The following C1orf174 variants were observed in gnomAD, a reference collection of about 807,000 sequenced individuals.
C1orf174 encodes UPF0688 protein C1orf174.
A neutral mutation model predicts 18.4 loss-of-function variants in C1orf174; 13 were observed. The observed-to-expected ratio is 0.71, with a 90% CI of 0.46 to 1.12. The LOEUF (loss-of-function observed/expected upper bound fraction) is 1.12. Among genes scored for constraint, C1orf174 ranks in the 50% most tolerant of loss-of-function variants. The probability of loss-of-function intolerance (pLI) is 0.00; values close to 1 mark genes in which losing one functional copy is unlikely to be tolerated. For missense variants in C1orf174, 309 were observed against 308.0 expected (o/e 1.00, Z -0.02); for synonymous variants, 100 against 118.3 (o/e 0.85, Z 1.01).
chr1:3,900,164 G>A lies in C1orf174; in HGVS notation c.15+8C>T. ...CCGGCGCAGCTGCTGCCGGGACCCA[G>A]CCCTCACCTTCCGGCTCCTCATGAG... is the stretch of plus-strand genomic sequence containing the variant. On this transcript the variant is annotated splice_region_variant and intron_variant, in intron 1 of 3. Coordinates refer to ENST00000361605, the MANE Select transcript of C1orf174 (RefSeq NM_207356.3). 1.3e-6 allele frequency: 2 copies of A among 1,585,832 alleles called. No homozygotes were observed. The highest frequency in any genetic ancestry group is 8.5e-7 in the Non-Finnish European group (1 of 1,174,504).
At chr1:3,893,679 G>A (rs1177500818) in intron 1 of C1orf174, among the ~76,000 whole-genome samples, 9 of 152,168 alleles carry the variant, frequency 5.9e-5, no homozygotes, top group African/African-American at 1.7e-4. Flanking sequence ...AGGATCGCTC[G>A]AGCCCAGGAG....
In C1orf174 at chr1:3,890,623, G is replaced by A. The variant is rs750658882; in HGVS notation, c.564C>T (p.Asp188=). The A allele has an allele frequency of 3.7e-6, 6 of 1,614,122 alleles. No individual in the cohort carries two copies. The South Asian group carries it at 6.6e-5, about 18-fold the overall frequency. ...QMDNSVFLDD[D]SNQPMPVSRF... ...GGCTCACGGGCATTGGCTGATTGCT[G>A]TCGTCATCTAGAAAGACGCTGTTGT... The change falls in exon 3 of 4, where the codon GAC becomes GAT. Residue 188 remains aspartate, a synonymous_variant. Transcript: ENST00000361605.
chr1:3,894,857 T>C (rs1015558833), intron 1 of C1orf174, among the ~76,000 whole-genome samples: 2 of 152,146 alleles, frequency 1.3e-5, no homozygotes, highest in Non-Finnish European at 2.9e-5. Flanking sequence ...CACCGGGGGC[T>C]GCGCCTCCGT....
intron 2 of C1orf174, chr1:3,891,282 G>GCGT (rs1638506488): frequency 1.6e-5 from 9 of 558,578 alleles, no homozygotes; most frequent in Non-Finnish European, 2.7e-5. Flanking sequence ...TTCCCTAGTG[G>GCGT]CGTTACAGCT....
In C1orf174 at chr1:3,890,680, T is replaced by C. The variant is rs775264244; in HGVS notation, c.507A>G (p.Thr169=). The C allele has an allele frequency of 1.2e-6, 2 of 1,614,046 alleles. No individual in the cohort carries two copies. Among genetic ancestry groups the C allele is most frequent in the African/African-American group, 2.7e-5 (2 of 74,924 alleles). The change falls in exon 3 of 4, where the codon ACA becomes ACG. Residue 169 remains threonine (T), a synonymous_variant. Transcript: ENST00000361605. The part of the protein sequence containing the change: ...VQKQNEPGLQ[T]EDVQKPPLQM... The stretch of plus-strand genomic sequence containing the variant: ...GAAGTGGTGGCTTCTGCACATCCTC[T>C]GTCTGTAGCCCTGGCTCATTCTGCT...
At chr1:3,898,396 G>C (rs1638645228) in intron 1 of C1orf174, among the ~76,000 whole-genome samples, 4 of 152,126 alleles carry the variant, frequency 2.6e-5, no homozygotes, top group Admixed American at 2.6e-4. Context: ...TGTAATCCCA[G>C]CCATTCCAGA....
intron 1 of C1orf174, chr1:3,896,322 G>A (rs1557740948): frequency 6.5e-6 from 1 of 152,732 alleles, no homozygotes; most frequent in Non-Finnish European, 1.5e-5. Context: ...TCCGCCCAGT[G>A]AACGGAGAAG....
chr1:3,899,827 G>A (rs1349827147), intron 1 of C1orf174, among the ~76,000 whole-genome samples: 3 of 151,844 alleles, frequency 2.0e-5, no homozygotes, highest in South Asian at 2.1e-4. Context: ...TTCTCCCGCG[G>A]GCATGGCCTG....
intron 3 of C1orf174, 23 bp from the exon 4 acceptor site, chr1:3,890,096 C>G: frequency 6.3e-7 from 1 of 1,592,092 alleles, no homozygotes; most frequent in African/African-American, 1.3e-5. Context: ...GAAAACATGA[C>G]TTCAGTCATG....
chr1:3,894,938 G>A (rs1209304568), intron 1 of C1orf174, among the ~76,000 whole-genome samples: 1 of 152,264 alleles, frequency 6.6e-6, no homozygotes, highest in Non-Finnish European at 1.5e-5. Context: ...CAAGGGGACT[G>A]AGGCAACAGA....
intron 1 of C1orf174, chr1:3,896,241 A>G (rs1030827835): frequency 1.3e-5 from 2 of 152,626 alleles, no homozygotes; most frequent in Non-Finnish European, 2.9e-5. Flanking sequence ...TTCTGCTCAG[A>G]CCCTATTTGT....
chr1:3,893,897 G>A (rs1638558139), intron 1 of C1orf174, among the ~76,000 whole-genome samples: 1 of 152,074 alleles, frequency 6.6e-6, no homozygotes, highest in Non-Finnish European at 1.5e-5. Flanking sequence ...CAGTGTCTCT[G>A]AAAAAATAAT....
intron 1 of C1orf174, among the ~76,000 whole-genome samples, chr1:3,899,227 C>T (rs2124789538): frequency 6.6e-6 from 1 of 152,296 alleles, no homozygotes; most frequent in South Asian, 2.1e-4. Context: ...ATGGGCTAAA[C>T]AATTCAATCA....
chr1:3,900,239 G>A lies in C1orf174; in HGVS notation c.-53C>T. 5.2e-6 allele frequency: 8 copies of A among 1,535,290 alleles called. No individual in the cohort carries two copies. The highest frequency in any genetic ancestry group is 2.5e-5 in the East Asian group (1 of 39,738). On this transcript the variant is annotated 5_prime_UTR_variant, in exon 1 of 4. Coordinates refer to ENST00000361605, the MANE Select transcript of C1orf174 (RefSeq NM_207356.3). ...CGCGCCCCGGCCAACGCGTCCCGGC[G>A]GAGCGGCGACCCGGAGTCTGCAGAG... is the stretch of plus-strand genomic sequence containing the variant.
chr1:3,900,113 C>A, intron 1 of C1orf174, 59 bp downstream of exon 1: 1 of 1,551,824 alleles, frequency 6.4e-7, no homozygotes, highest in Non-Finnish European at 8.6e-7. Flanking sequence ...CTCCAGACAG[C>A]AGGTGACCCA....
In C1orf174 at chr1:3,893,013, CCACT is replaced by C. The variant is rs1223936146; in HGVS notation, c.16-21_16-18del. The C allele has an allele frequency of 6.2e-7, 1 of 1,612,386 alleles. No individual in the cohort carries two copies. Among genetic ancestry groups the C allele is most frequent in the Non-Finnish European group, 8.5e-7 (1 of 1,179,118 alleles). ...ACCTGTGAGCTAGAGAGATTGAGAGCCACTCAGAGAGTGCTCTCAGGAAGGCAGC... is the reference window on the plus strand; with the variant it reads ...ACCTGTGAGCTAGAGAGATTGAGAGCCAGAGAGTGCTCTCAGGAAGGCAGC... On this transcript the variant is annotated intron_variant, in intron 1 of 3. Transcript: ENST00000361605.
At chr1:3,890,485 T>A in intron 3 of C1orf174, 84 bp downstream of exon 3, 1 of 1,536,702 alleles carries the variant, frequency 6.5e-7, no homozygotes, top group South Asian at 1.2e-5. Context: ...AGGCATTATT[T>A]ACCTGCACTG....
At chr1:3,900,045 C>T (rs1638681132) in intron 1 of C1orf174, 127 bp downstream of exon 1, 7 of 1,189,962 alleles carry the variant, frequency 5.9e-6, no homozygotes, top group Non-Finnish European at 7.8e-6. Flanking sequence ...CTGCCGGGGG[C>T]GAGGCCCAAG....
rs774183697 is a variant in C1orf174 at position 3,898,516 on chromosome 1, AAACAACAACAAC to A, written c.15+1644_15+1655del. ...GAGTGAGACTCTGGTCTCAAAGCAAAAACAACAACAACAACAACAACAACAACAACAACAACA... is the reference window on the plus strand; with the variant it reads ...GAGTGAGACTCTGGTCTCAAAGCAAAAACAACAACAACAACAACAACAACA... On this transcript the variant is annotated intron_variant, in intron 1 of 3. Transcript: ENST00000361605. Among the ~76,000 whole-genome samples, 363 of 139,322 alleles carry A rather than the reference AAACAACAACAAC, an allele frequency of 2.6e-3. 1 individual carries two copies. The highest frequency in any genetic ancestry group is 3.9e-3 in the Non-Finnish European group (250 of 64,620). The allele number at this position is 139,322 out of a possible 152,430, so 91.4% of individuals were successfully genotyped here.
Sources: gnomAD v4.1 joint callset for allele counts (sites outside exome capture counted in the v4.1 genomes callset) on GRCh38, gnomAD v4.1.1 for gene constraint, MANE v1.5 for transcripts, NCBI Gene and HGNC (gene_info 2026-07-23, HGNC 2026-07-21) for gene names.